ZXDC: variants seen among roughly 807,000 people sequenced by gnomAD.
ZXDC encodes the protein ZXD family zinc finger C.
Under a neutral mutation model 63.6 loss-of-function variants are expected in ZXDC, and 58 were observed. That is an observed-to-expected ratio of 0.91 (90% CI 0.74 to 1.13). The LOEUF is 1.13. Ranked by LOEUF, ZXDC falls within the 50% of genes most tolerant of loss-of-function variation. The pLI is 0.00. For missense variants in ZXDC, 1,133 were observed against 1,148.9 expected (o/e 0.99, Z 0.20); for synonymous variants, 561 against 496.1 (o/e 1.13, Z -1.74).
At chr3:126,465,404 A>C (rs1218290105) in intron 5 of ZXDC, among the ~76,000 whole-genome samples, 1 of 152,228 alleles carries the variant, frequency 6.6e-6, no homozygotes, top group Non-Finnish European at 1.5e-5. Context: ...CATTCCCCTC[A>C]CAGGTCACCA....
intron 7 of ZXDC, among the ~76,000 whole-genome samples, chr3:126,449,407 C>T (rs1311361959): frequency 2.0e-5 from 3 of 152,076 alleles, no homozygotes; most frequent in African/African-American, 4.8e-5. Flanking sequence ...TTGCAAAAAC[C>T]CCTGTAGGTC....
intron 7 of ZXDC, chr3:126,452,101 A>G (rs568728198): frequency 3.2e-5 from 32 of 985,192 alleles, no homozygotes; most frequent in Non-Finnish European, 3.7e-5. Context: ...TCCACACGCA[A>G]AGATGACCAG....
rs2107664422 is a variant in ZXDC at position 126,475,446 on chromosome 3, G to A, written c.420C>T (p.Leu140=). ...TISSQDLLVR[L]DRGVLALSAP... is the part of the protein sequence containing the mutation. ...CAGACAGCGCGAGGACGCCGCGGTC[G>A]AGACGCACCAGCAGGTCCTGGCTGC... The change falls in exon 1 of 10, where the codon CTC becomes CTT. Residue 140 remains leucine, a synonymous_variant. Coordinates refer to ENST00000389709, the MANE Select transcript of ZXDC (RefSeq NM_025112.5). 1 of 1,194,152 alleles carries A rather than the reference G, an allele frequency of 8.4e-7. No homozygotes were observed. Among genetic ancestry groups the A allele is most frequent in the Admixed American group, 4.6e-5 (1 of 21,920 alleles). 74.0% of individuals were successfully genotyped at this position (1,194,152 alleles called of 1,614,324 possible). A position where few individuals can be genotyped will look rare whatever the true frequency, so the allele number is the denominator to read the frequency against.
At chr3:126,461,344 T>A (rs1934525503) in intron 6 of ZXDC, 191 bp downstream of exon 6, 1 of 1,373,852 alleles carries the variant, frequency 7.3e-7, no homozygotes, top group East Asian at 2.7e-5. Context: ...TAAATGAGAA[T>A]TTAAGGCTCA....
intron 7 of ZXDC, among the ~76,000 whole-genome samples, chr3:126,456,366 C>G (rs978165700): frequency 1.3e-5 from 2 of 152,212 alleles, no homozygotes; most frequent in African/African-American, 4.8e-5. Flanking sequence ...GTGGAGGCCT[C>G]GGGCACACAG....
chr3:126,447,686 T>G (rs1281592330), intron 7 of ZXDC, among the ~76,000 whole-genome samples: 1 of 152,118 alleles, frequency 6.6e-6, no homozygotes, highest in Non-Finnish European at 1.5e-5. Flanking sequence ...GAAATCTGGG[T>G]TCCTAGTTGA....
At chr3:126,460,947 C>T (rs1934503954) in intron 6 of ZXDC, 1 of 983,510 alleles carries the variant, frequency 1.0e-6, no homozygotes, top group Admixed American at 6.2e-5. Flanking sequence ...CAGACTATCT[C>T]CTAAGAATCT....
At chr3:126,455,048 C>T (rs192897718) in intron 7 of ZXDC, 4 of 985,388 alleles carry the variant, frequency 4.1e-6, no homozygotes, top group East Asian at 1.1e-4. Context: ...CTAAATGACC[C>T]GATTCCATTA....
chr3:126,438,694 A>G (rs1398835052), intron 9 of ZXDC, among the ~76,000 whole-genome samples: 3 of 152,208 alleles, frequency 2.0e-5, no homozygotes. Flanking sequence ...ATACCCTCAC[A>G]TGTTCATATA....
intron 4 of ZXDC, among the ~76,000 whole-genome samples, 177 bp from the exon 5 acceptor site, chr3:126,466,502 A>G (rs1372477423): frequency 6.6e-6 from 1 of 152,214 alleles, no homozygotes; most frequent in African/African-American, 2.4e-5. Context: ...GTCAAAAGCA[A>G]ACTGTTTTTA....
intron 9 of ZXDC, among the ~76,000 whole-genome samples, chr3:126,438,919 C>A (rs1175187226): frequency 6.6e-6 from 1 of 152,150 alleles, no homozygotes; most frequent in Non-Finnish European, 1.5e-5. Context: ...TGACTCCGGG[C>A]TACGGTGATT....
intron 7 of ZXDC, among the ~76,000 whole-genome samples, chr3:126,445,729 C>T (rs1933859282): frequency 6.6e-6 from 1 of 152,100 alleles, no homozygotes; most frequent in Non-Finnish European, 1.5e-5. Flanking sequence ...TCCAGGCCAA[C>T]AGCTGTGAGA....
Position 126,475,731 on chromosome 3 carries a change from G to A in ZXDC, c.135C>T (p.Gly45=). The A allele has an allele frequency of 2.5e-6, 3 of 1,203,718 alleles. No homozygotes were observed. The highest frequency in any genetic ancestry group is 3.1e-6 in the Non-Finnish European group (3 of 971,858). 74.6% of individuals were successfully genotyped at this position (1,203,718 alleles called of 1,614,324 possible). Residue 45 remains glycine (G), a synonymous_variant, in exon 1 of 10, where the codon GGC becomes GGT. Transcript: ENST00000389709. ...PARRRLLLVR[G]PEDGGPGARP... is the part of the protein sequence containing the mutation. ...GCGCCCCGGGCCCGCCATCTTCAGG[G>A]CCCCGCACCAGTAGCAGGCGGCGGC...
intron 1 of ZXDC, 71 bp downstream of exon 1, chr3:126,474,888 T>C (rs186680124): frequency 0.013 from 19,709 of 1,479,196 alleles, 164 homozygotes; most frequent in Non-Finnish European, 0.016. Context: ...GGCCCCTCTG[T>C]GGGGCGGACG....
chr3:126,475,333 G>A lies in ZXDC; in HGVS notation c.533C>T (p.Pro178Leu), dbSNP rs1382581686. The stretch of plus-strand genomic sequence containing the variant: ...GAAGGCCAGCGCGCACTGCGGCTCG[G>A]GGCAGCGGTAGCCGGGCGTGCTGGG... ...SGPSTPGYRC[P>L]EPQCALAFAK... The change falls in exon 1 of 10, where the codon CCC (proline) becomes CTC (leucine). Residue 178 changes from proline (P) to leucine (L), a missense_variant. Physicochemically the swap from Pro to Leu is moderately conservative, Grantham distance 98. Transcript: ENST00000389709. 1 of 1,536,070 alleles carries A rather than the reference G, an allele frequency of 6.5e-7. No homozygotes were observed. The highest frequency in any genetic ancestry group is 8.8e-7 in the Non-Finnish European group (1 of 1,139,454).
In ZXDC at chr3:126,475,657, C is replaced by T. The variant is rs777028588; in HGVS notation, c.209G>A (p.Ser70Asn). 6.9e-7 allele frequency: 1 copy of T among 1,448,650 alleles called. No individual in the cohort carries two copies. The highest frequency in any genetic ancestry group is 9.1e-7 in the Non-Finnish European group (1 of 1,098,118). The allele number at this position is 1,448,650 out of a possible 1,614,324, so 89.7% of individuals were successfully genotyped here. The part of the protein sequence containing the change: ...GPSPPPAEDD[S>N]DGDSFLVLLE... ...CAGCACCAAGAAAGAGTCGCCGTCG[C>T]TGTCGTCCTCGGCGGGCGGCGGGCT... The change falls in exon 1 of 10, where the codon AGC (serine) becomes AAC (asparagine). Residue 70 changes from serine to asparagine, a missense_variant. By Grantham distance (46) the Ser-to-Asn change is conservative (BLOSUM62 1). Transcript: ENST00000389709.
chr3:126,464,783 G>A (rs927036714), intron 5 of ZXDC, among the ~76,000 whole-genome samples: 1 of 152,146 alleles, frequency 6.6e-6, no homozygotes, highest in Non-Finnish European at 1.5e-5. Flanking sequence ...GGGCCTCTGT[G>A]AGCAAAGGTG....
At chr3:126,468,734 A>C (rs1934868299) in intron 4 of ZXDC, among the ~76,000 whole-genome samples, 1 of 152,006 alleles carries the variant, frequency 6.6e-6, no homozygotes, top group Non-Finnish European at 1.5e-5. Flanking sequence ...GACCCACGGA[A>C]CCTCATCCAT....
chr3:126,441,568 G>A (rs1274662807), intron 8 of ZXDC, 197 bp downstream of exon 8: 5 of 1,334,212 alleles, frequency 3.7e-6, no homozygotes, highest in South Asian at 2.2e-5. Flanking sequence ...AGCAGATGCA[G>A]GACAGGCTGG....
Sources: allele counts gnomAD v4.1 joint callset (sites outside exome capture counted in the v4.1 genomes callset), GRCh38; gene constraint gnomAD v4.1.1; transcripts MANE v1.5; gene names NCBI Gene and HGNC (gene_info 2026-07-23, HGNC 2026-07-21).